SUSD4: variants seen among roughly 807,000 people sequenced by gnomAD.
SUSD4 encodes sushi domain-containing protein 4.
A neutral mutation model predicts 50.5 loss-of-function variants in SUSD4; 41 were observed. The ratio of observed to expected loss-of-function variants is 0.81; its 90% CI spans 0.63 to 1.05. The LOEUF (loss-of-function observed/expected upper bound fraction) is 1.05. SUSD4 is among the 50% of genes least tolerant of loss of function. The probability of loss-of-function intolerance (pLI) is 0.00; values close to 1 mark genes in which losing one functional copy is unlikely to be tolerated. For missense variants in SUSD4, 580 were observed against 634.7 expected (o/e 0.91, Z 0.93); for synonymous variants, 257 against 257.3 (o/e 1.00, Z 0.01).
At chr1:223,249,111 C>G (rs1661133541) in intron 5 of SUSD4, among the ~76,000 whole-genome samples, 1 of 152,328 alleles carries the variant, frequency 6.6e-6, no homozygotes, top group South Asian at 2.1e-4. Flanking sequence ...GAAAATAAAT[C>G]ACAAGACATC....
chr1:223,306,960 T>TC (rs1327176509), intron 2 of SUSD4, among the ~76,000 whole-genome samples: 13 of 150,270 alleles, frequency 8.7e-5, no homozygotes, highest in African/African-American at 3.0e-4. Context: ...AGTTTTTTTT[T>TC]TTGGGGGGGG....
chr1:223,246,127 G>A (rs1660909665), intron 5 of SUSD4, among the ~76,000 whole-genome samples: 1 of 152,096 alleles, frequency 6.6e-6, no homozygotes, highest in Admixed American at 6.5e-5. Context: ...GACAGAAAAG[G>A]GAACGGGACC....
rs778052023 is a variant in SUSD4, at chr1:223,229,162, T to A, written c.916+35A>T. 1.3e-6 allele frequency: 2 copies of A among 1,556,894 alleles called. No homozygotes were observed. The highest frequency in any genetic ancestry group is 1.8e-6 in the Non-Finnish European group (2 of 1,138,112). On this transcript the variant is annotated intron_variant, in intron 6 of 8. Transcript: ENST00000366878. The surrounding 1 kb of genome is among the most constrained non-coding windows in gnomAD (Gnocchi z 4.7). ...CTATGTGCAGATGGTCCAAGGAGGG[T>A]CCATCTCCTCCAAGGGTGAGGCCTT... is the stretch of plus-strand genomic sequence containing the variant.
chr1:223,355,847 T>C (rs958618707), intron 2 of SUSD4, among the ~76,000 whole-genome samples: 2 of 152,154 alleles, frequency 1.3e-5, no homozygotes, highest in African/African-American at 4.8e-5. Flanking sequence ...CTGATCAGGT[T>C]TACCAGGTTC....
chr1:223,266,857 G>T (rs956579955), intron 4 of SUSD4, among the ~76,000 whole-genome samples: 1 of 152,216 alleles, frequency 6.6e-6, no homozygotes, highest in Non-Finnish European at 1.5e-5. Flanking sequence ...CCTATGGTGT[G>T]CCAGGCAAGC....
intron 4 of SUSD4, among the ~76,000 whole-genome samples, chr1:223,266,933 G>C (rs549503688): frequency 6.6e-6 from 1 of 152,242 alleles, no homozygotes; most frequent in Non-Finnish European, 1.5e-5. Flanking sequence ...TGTGCAGCAA[G>C]ATGTGGGGTG....
intron 2 of SUSD4, chr1:223,359,224 C>T (rs574428300): frequency 1.1e-5 from 5 of 454,192 alleles, no homozygotes; most frequent in Non-Finnish European, 2.3e-5. Flanking sequence ...ACTTTCAGAA[C>T]CCCTATTGGA....
At chr1:223,241,735 C>T (rs557544646) in intron 5 of SUSD4, among the ~76,000 whole-genome samples, 22 of 152,320 alleles carry the variant, frequency 1.4e-4, no homozygotes, top group Admixed American at 2.6e-4. Context: ...CAGTCCTCTC[C>T]GGACGGGGCC....
At chr1:223,257,454 G>A (rs1661778222) in intron 5 of SUSD4, among the ~76,000 whole-genome samples, 1 of 152,196 alleles carries the variant, frequency 6.6e-6, no homozygotes, top group South Asian at 2.1e-4. Flanking sequence ...AGAGCCCAGG[G>A]TGGATGCTGG....
intron 2 of SUSD4, among the ~76,000 whole-genome samples, chr1:223,356,315 A>T (rs866316664): frequency 1.3e-5 from 2 of 152,098 alleles, no homozygotes; most frequent in South Asian, 4.2e-4. Context: ...TGAGTAAGTG[A>T]CTCTCAGATC....
Position 223,295,839 on chromosome 1 carries a change from T to C in SUSD4, c.149-3188A>G, listed in dbSNP as rs76792420. 2.6e-5 allele frequency among the ~76,000 whole-genome samples: 3 copies of C among 116,774 alleles called. No homozygotes were observed. In the Admixed American group the frequency reaches 2.6e-4, roughly 10 times the overall value. 76.6% of individuals were successfully genotyped at this position (116,774 alleles called of 152,430 possible). A position where few individuals can be genotyped will look rare whatever the true frequency, so the allele number is the denominator to read the frequency against. The stretch of plus-strand genomic sequence containing the variant: ...CACATGTACCCTAGAACTTAAAGTA[T>C]AAAAAAAAAAAAAAAGACTGAGAGG... On this transcript the variant is annotated intron_variant, in intron 2 of 8. Coordinates refer to ENST00000366878, the MANE Select transcript of SUSD4 (RefSeq NM_017982.4).
chr1:223,263,275 A>C lies in SUSD4; in HGVS notation c.724+1355T>G, dbSNP rs553034015. On this transcript the variant is annotated intron_variant, in intron 5 of 8. Transcript: ENST00000366878. Reference sequence around the variant, plus strand: ...GAAGGCTATTCCCACTGGAAGCAAAAGAGATGACCTTGTCCCTTGAGGCTA... The same window carrying C: ...GAAGGCTATTCCCACTGGAAGCAAACGAGATGACCTTGTCCCTTGAGGCTA... 2.6e-5 allele frequency among the ~76,000 whole-genome samples: 4 copies of C among 152,352 alleles called. No individual in the cohort carries two copies. In the South Asian group the frequency reaches 8.3e-4, roughly 32 times the overall value.
Position 223,227,790 on chromosome 1 carries a change from G to A in SUSD4, c.917-52C>T. ...GTGAGGCTCCCAGACCATGAGAGGT[G>A]CCGAGGTTCCCCGTGGGCTCATTTG... On this transcript the variant is annotated intron_variant, in intron 6 of 8. Coordinates refer to ENST00000366878, the MANE Select transcript of SUSD4 (RefSeq NM_017982.4). This position sits in a 1 kb window ranked among gnomAD's most constrained non-coding sequence, Gnocchi z 4.5. 1.9e-6 allele frequency: 3 copies of A among 1,550,126 alleles called. No individual in the cohort carries two copies. Among genetic ancestry groups the A allele is most frequent in the Admixed American group, 1.9e-5 (1 of 53,786 alleles).
At chr1:223,365,114 C>T (rs1313875335), upstream of SUSD4, among the ~76,000 whole-genome samples, 1 of 152,056 alleles carries the variant, frequency 6.6e-6, no homozygotes, top group Non-Finnish European at 1.5e-5. Context: ...GGAGGGGAGG[C>T]TTCCGGGGTC....
At chr1:223,355,809 A>C (rs572987759) in intron 2 of SUSD4, among the ~76,000 whole-genome samples, 1 of 152,116 alleles carries the variant, frequency 6.6e-6, no homozygotes, top group South Asian at 2.1e-4. Context: ...TGAAAACTCA[A>C]TGGATTGGGA....
intron 2 of SUSD4, among the ~76,000 whole-genome samples, chr1:223,317,869 T>TA (rs1666313043): frequency 7.8e-5 from 10 of 127,878 alleles, no homozygotes; most frequent in East Asian, 2.3e-4. Flanking sequence ...TTTTTTTTTT[T>TA]ATTATACTCT....
At chr1:223,313,412 G>C (rs1665996194) in intron 2 of SUSD4, among the ~76,000 whole-genome samples, 1 of 152,110 alleles carries the variant, frequency 6.6e-6, no homozygotes, top group African/African-American at 2.4e-5. Flanking sequence ...ATTTGCATTT[G>C]GGACCCTCCC....
At chr1:223,348,998 G>C (rs1372525284) in intron 2 of SUSD4, among the ~76,000 whole-genome samples, 1 of 151,996 alleles carries the variant, frequency 6.6e-6, no homozygotes, top group Non-Finnish European at 1.5e-5. Flanking sequence ...AGCAGAGAGG[G>C]GCAAGCAAGG....
intron 2 of SUSD4, among the ~76,000 whole-genome samples, chr1:223,327,659 G>A (rs137959685): frequency 0.013 from 1,952 of 152,212 alleles, 22 homozygotes; most frequent in Non-Finnish European, 0.019. Context: ...GGCCACTTCT[G>A]GCCCATAGGG....
Sources: gnomAD v4.1 joint callset for allele counts (sites outside exome capture counted in the v4.1 genomes callset) on GRCh38, gnomAD v4.1.1 for gene constraint, Gnocchi (gnomAD v3.1) non-coding constraint, MANE v1.5 for transcripts, NCBI Gene and HGNC (gene_info 2026-07-23, HGNC 2026-07-21) for gene names.